Variants in GNA14 observed in about 807,000 individuals in gnomAD.
GNA14 encodes G protein subunit alpha 14, also known as guanine nucleotide-binding protein subunit alpha-14.
GNA14 carries 50 observed loss-of-function variants against 42.0 expected under a neutral mutation model. The observed-to-expected ratio is 1.19, with a 90% CI of 0.95 to 1.51. The LOEUF is 1.51. Ranked by LOEUF, GNA14 falls within the 40% of genes most tolerant of loss-of-function variation. The pLI is 0.00. For synonymous variants in GNA14, 173 were observed against 163.1 expected, an observed-to-expected ratio of 1.06 and a Z score of -0.46; for missense variants, 473 against 446.2, an observed-to-expected ratio of 1.06 and a Z score of -0.54.
At chr9:77,494,526 T>G (rs745980947) in intron 2 of GNA14, among the ~76,000 whole-genome samples, 3 of 152,154 alleles carry the variant, frequency 2.0e-5, no homozygotes, top group Non-Finnish European at 2.9e-5. Context: ...GTATTAAGGG[T>G]ACTGAAGTGT....
intron 1 of GNA14, among the ~76,000 whole-genome samples, chr9:77,634,301 C>T (rs1824143427): frequency 6.6e-6 from 1 of 151,642 alleles, no homozygotes; most frequent in African/African-American, 2.4e-5. Flanking sequence ...ACCTGCAGTC[C>T]CAGCTACTCA....
At chr9:77,571,039 A>G (rs1252200377) in intron 1 of GNA14, among the ~76,000 whole-genome samples, 4 of 152,132 alleles carry the variant, frequency 2.6e-5, no homozygotes, top group Non-Finnish European at 5.9e-5. Flanking sequence ...GTATTATTTT[A>G]TAGATGAGAA....
At chr9:77,490,045 C>T (rs971258230) in intron 2 of GNA14, among the ~76,000 whole-genome samples, 15 of 152,270 alleles carry the variant, frequency 9.9e-5, no homozygotes, top group African/African-American at 3.6e-4. Flanking sequence ...CAAAGGTTCT[C>T]CACGTCCCCA....
At chr9:77,496,570 A>T (rs756117708) in intron 2 of GNA14, among the ~76,000 whole-genome samples, 5 of 152,346 alleles carry the variant, frequency 3.3e-5, no homozygotes, top group Middle Eastern at 3.4e-3. Context: ...AGGTGCGCAC[A>T]GTTAAACAAG....
Position 77,428,944 on chromosome 9 carries a change from C to G in GNA14, c.686G>C (p.Ser229Thr). The change falls in exon 5 of 7, where the codon AGT (serine) becomes ACT (threonine). Residue 229 changes from serine to threonine, a missense_variant. Physicochemically the swap from Ser to Thr is moderately conservative, Grantham distance 58 (BLOSUM62 1). Transcript: ENST00000341700. ...VTSIIFLVAL[S>T]EYDQVLAECD... ...CTCAGCCAGGACCTGGTCATATTCA[C>G]TCAGAGCAACCAAGAAAATAATGGA... The G allele has an allele frequency of 6.2e-7, 1 of 1,614,120 alleles. No individual in the cohort carries two copies.
chr9:77,644,966 T>C (rs1454239310), intron 1 of GNA14, among the ~76,000 whole-genome samples: 2 of 152,166 alleles, frequency 1.3e-5, no homozygotes, highest in African/African-American at 4.8e-5. Flanking sequence ...AATTCAACCA[T>C]CTCCTTTATT....
intron 1 of GNA14, among the ~76,000 whole-genome samples, chr9:77,532,264 G>T (rs1226705166): frequency 6.6e-6 from 1 of 152,170 alleles, no homozygotes; most frequent in Admixed American, 6.5e-5. Flanking sequence ...CCCTAGTTAT[G>T]AGCTGGTTTT....
At chr9:77,557,999 C>A (rs903329589) in intron 1 of GNA14, among the ~76,000 whole-genome samples, 3 of 152,146 alleles carry the variant, frequency 2.0e-5, no homozygotes, top group Admixed American at 6.6e-5. Context: ...AGAACCCCAG[C>A]CCCATTTTTA....
chr9:77,527,794 C>A (rs1468458638), intron 2 of GNA14, among the ~76,000 whole-genome samples: 1 of 152,224 alleles, frequency 6.6e-6, no homozygotes, highest in African/African-American at 2.4e-5. Context: ...CCACCACACC[C>A]AGCTAATGTT....
At chr9:77,512,281 G>C (rs548974577) in intron 2 of GNA14, among the ~76,000 whole-genome samples, 20 of 152,164 alleles carry the variant, frequency 1.3e-4, no homozygotes, top group Admixed American at 4.6e-4. Flanking sequence ...AGTGTTAAAG[G>C]GACTAGAGGA....
chr9:77,623,324 G>C (rs775142803), intron 1 of GNA14, among the ~76,000 whole-genome samples: 1 of 150,306 alleles, frequency 6.7e-6, no homozygotes, highest in Non-Finnish European at 1.5e-5. Flanking sequence ...ACTTTGGGCT[G>C]TAAGAAAATG....
At chr9:77,468,110 G>C (rs1353198898) in intron 2 of GNA14, among the ~76,000 whole-genome samples, 1 of 152,180 alleles carries the variant, frequency 6.6e-6, no homozygotes, top group African/African-American at 2.4e-5. Flanking sequence ...GAGCTGGGGA[G>C]TGGAGAGAAG....
chr9:77,514,604 T>A (rs1837218781), intron 2 of GNA14, among the ~76,000 whole-genome samples: 2 of 122,292 alleles, frequency 1.6e-5, no homozygotes, highest in Admixed American at 1.9e-4. Flanking sequence ...TTCTATAATA[T>A]CAGATTTTTT....
chr9:77,488,498 C>T (rs1283129847), intron 2 of GNA14, among the ~76,000 whole-genome samples: 1 of 152,146 alleles, frequency 6.6e-6, no homozygotes, highest in Non-Finnish European at 1.5e-5. Flanking sequence ...TGCTCTGTAA[C>T]TCAGCCAAAG....
chr9:77,551,562 T>C (rs1421647750), intron 1 of GNA14, among the ~76,000 whole-genome samples: 1 of 149,444 alleles, frequency 6.7e-6, no homozygotes, highest in Non-Finnish European at 1.5e-5. Context: ...GTTCTGAAGC[T>C]GCCTCCAGAC....
At chr9:77,481,574 G>A (rs1048964275) in intron 2 of GNA14, among the ~76,000 whole-genome samples, 25 of 152,178 alleles carry the variant, frequency 1.6e-4, no homozygotes, top group African/African-American at 5.8e-4. Flanking sequence ...TCTGCTTGGT[G>A]CAGAGGTGAG....
chr9:77,512,335 T>C (rs1448181266), intron 2 of GNA14, among the ~76,000 whole-genome samples: 1 of 152,240 alleles, frequency 6.6e-6, no homozygotes, highest in East Asian at 1.9e-4. Flanking sequence ...ATCTTAATTT[T>C]AAACTGCTAA....
intron 1 of GNA14, among the ~76,000 whole-genome samples, chr9:77,626,276 C>T (rs1453755460): frequency 2.0e-5 from 3 of 152,066 alleles, no homozygotes; most frequent in Non-Finnish European, 4.4e-5. Flanking sequence ...ACTTAGACTC[C>T]CACACAATAA....
intron 1 of GNA14, among the ~76,000 whole-genome samples, chr9:77,587,668 A>C (rs923858538): frequency 6.6e-6 from 1 of 152,122 alleles, no homozygotes; most frequent in African/African-American, 2.4e-5. Flanking sequence ...GTATGTATGG[A>C]GTTTCTTTCT....
Sources: gnomAD v4.1 joint callset for allele counts (sites outside exome capture counted in the v4.1 genomes callset) on GRCh38, gnomAD v4.1.1 for gene constraint, MANE v1.5 for transcripts, NCBI Gene and HGNC (gene_info 2026-07-23, HGNC 2026-07-21) for gene names.